Variants in ANO4 observed in about 807,000 individuals in gnomAD.
The protein encoded by ANO4 is anoctamin 4.
In ANO4, 69 loss-of-function variants were observed where a neutral mutation model predicts 141.9. The observed-to-expected ratio is 0.49, with a 90% CI of 0.40 to 0.59. ANO4 has a LOEUF of 0.59. ANO4 is among the 20% of genes least tolerant of loss of function. The pLI is 0.00. For missense variants in ANO4, 894 were observed against 1,162.2 expected (o/e 0.77, Z 3.36); for synonymous variants, 350 against 394.3 (o/e 0.89, Z 1.33).
At chr12:100,776,650 AG>A (rs1414993813) in intron 3 of ANO4, among the ~76,000 whole-genome samples, 1 of 152,210 alleles carries the variant, frequency 6.6e-6, no homozygotes, top group East Asian at 1.9e-4. Flanking sequence ...AGCTAGTCTA[AG>A]GATTAATTGA....
intron 9 of ANO4, among the ~76,000 whole-genome samples, chr12:101,022,780 C>G (rs1693174765): frequency 6.6e-6 from 1 of 152,148 alleles, no homozygotes; most frequent in Non-Finnish European, 1.5e-5. Context: ...CGGACTGTCA[C>G]CCAGGCTGGA....
intron 25 of ANO4, among the ~76,000 whole-genome samples, chr12:101,120,072 C>T (rs943970840): frequency 5.3e-5 from 8 of 152,180 alleles, no homozygotes; most frequent in Non-Finnish European, 1.0e-4. Flanking sequence ...ATGGCCGGAT[C>T]CCAGGCCTCA....
chr12:100,846,380 T>G (rs1298908829), intron 1 of ANO4, among the ~76,000 whole-genome samples: 1 of 152,200 alleles, frequency 6.6e-6, no homozygotes, highest in Non-Finnish European at 1.5e-5. Context: ...GTGTACAGTT[T>G]CCCCCAATGG....
At chr12:101,033,757 A>G (rs949016578) in intron 9 of ANO4, among the ~76,000 whole-genome samples, 1 of 152,202 alleles carries the variant, frequency 6.6e-6, no homozygotes, top group African/African-American at 2.4e-5. Context: ...CAGAAATCGA[A>G]TATCCAGAAT....
chr12:100,795,775 T>C (rs2034270845), intron 1 of ANO4, among the ~76,000 whole-genome samples: 1 of 152,194 alleles, frequency 6.6e-6, no homozygotes, highest in Admixed American at 6.5e-5. Flanking sequence ...GATAAAATAC[T>C]TTGAGGTTAT....
At chr12:100,755,644 G>A (rs1229549905) in intron 3 of ANO4, among the ~76,000 whole-genome samples, 1 of 152,172 alleles carries the variant, frequency 6.6e-6, no homozygotes, top group Non-Finnish European at 1.5e-5. Flanking sequence ...CTTTGTTTAC[G>A]ATCATTTTTT....
chr12:100,749,224 G>T (rs2032253078), intron 3 of ANO4, among the ~76,000 whole-genome samples: 1 of 152,156 alleles, frequency 6.6e-6, no homozygotes, highest in Non-Finnish European at 1.5e-5. Context: ...CGCACAGGGT[G>T]GCTGGGTTCT....
chr12:101,039,842 T>C lies in ANO4; in HGVS notation c.898-113T>C, dbSNP rs925499640. ...CCCTTTAATAGAGAGGATTCATTTC[T>C]TTCTCATACCACTCCTATCACAACA... is the stretch of plus-strand genomic sequence containing the variant. On this transcript the variant is annotated intron_variant, in intron 10 of 27. Transcript: ENST00000392977. 2.5e-6 allele frequency: 3 copies of C among 1,214,904 alleles called. No individual in the cohort carries two copies. In the African/African-American group the frequency reaches 4.5e-5, roughly 18 times the overall value. The allele number at this position is 1,214,904 out of a possible 1,614,324, so 75.3% of individuals were successfully genotyped here.
At chr12:101,124,808 C>T (rs936164685) in intron 26 of ANO4, among the ~76,000 whole-genome samples, 4 of 152,152 alleles carry the variant, frequency 2.6e-5, no homozygotes, top group Non-Finnish European at 4.4e-5. Flanking sequence ...TCTGAGATCT[C>T]TAATCTGTTC....
chr12:100,914,710 C>T (rs551785876), intron 2 of ANO4, among the ~76,000 whole-genome samples: 65 of 152,288 alleles, frequency 4.3e-4, no homozygotes, highest in African/African-American at 1.4e-3. Context: ...TCATATTCTC[C>T]AGAAGAGCTG....
chr12:100,781,378 A>T (rs1206329960), intron 3 of ANO4, among the ~76,000 whole-genome samples: 1 of 152,166 alleles, frequency 6.6e-6, no homozygotes, highest in Non-Finnish European at 1.5e-5. Context: ...TCAGGTATCC[A>T]GGCAGATTTT....
intron 13 of ANO4, among the ~76,000 whole-genome samples, chr12:101,045,949 G>A (rs752151306): frequency 2.6e-5 from 4 of 152,202 alleles, no homozygotes; most frequent in Non-Finnish European, 5.9e-5. Context: ...CTTCTTTGGA[G>A]GGGAGGGGTT....
At chr12:100,851,980 CG>C (rs897999745) in intron 1 of ANO4, among the ~76,000 whole-genome samples, 1 of 152,180 alleles carries the variant, frequency 6.6e-6, no homozygotes, top group East Asian at 1.9e-4. Context: ...CAGAATAGGC[CG>C]GGGGCAGGAG....
chr12:100,927,746 C>T (rs2041930544), intron 3 of ANO4, among the ~76,000 whole-genome samples: 2 of 152,098 alleles, frequency 1.3e-5, no homozygotes, highest in South Asian at 4.1e-4. Context: ...TTGTTGCCCA[C>T]CCCTCTTGTT....
chr12:100,813,453 T>C (rs2135712103), intron 1 of ANO4, among the ~76,000 whole-genome samples: 1 of 152,298 alleles, frequency 6.6e-6, no homozygotes, highest in Non-Finnish European at 1.5e-5. Context: ...ATCCCTCTTT[T>C]TCCATTTTAG....
intron 2 of ANO4, among the ~76,000 whole-genome samples, chr12:100,735,938 A>G (rs1443889826): frequency 2.6e-5 from 4 of 152,230 alleles, no homozygotes; most frequent in Non-Finnish European, 5.9e-5. Context: ...ATGAGATAAT[A>G]AGAGTGAGAA....
At chr12:100,865,568 C>T (rs2038713243) in intron 1 of ANO4, among the ~76,000 whole-genome samples, 1 of 152,140 alleles carries the variant, frequency 6.6e-6, no homozygotes, top group African/African-American at 2.4e-5. Flanking sequence ...CTCATCATCA[C>T]TGGTCATTAG....
chr12:100,724,681 T>C lies in ANO4; in HGVS notation c.22+7134T>C, dbSNP rs2031026301. ...GGAGAGACCTCCCAAGCCACCACTT[T>C]CTACCTAGGACCAGCCTGTGTCTAC... On this transcript the variant is annotated intron_variant, in intron 1 of 29. Transcript: ENST00000644049. Among the ~76,000 whole-genome samples the C allele has an allele frequency of 3.3e-5, 5 of 152,196 alleles. No individual in the cohort carries two copies. In the South Asian group the frequency reaches 1.0e-3, roughly 31 times the overall value.
chr12:101,087,330 T>G (rs114874811), intron 17 of ANO4, among the ~76,000 whole-genome samples: 1 of 150,264 alleles, frequency 6.7e-6, no homozygotes, highest in East Asian at 2.0e-4. Flanking sequence ...CCAGCCTAGG[T>G]AACATAGTGG....
Sources: allele counts gnomAD v4.1 joint callset (sites outside exome capture counted in the v4.1 genomes callset), GRCh38; gene constraint gnomAD v4.1.1; transcripts MANE v1.5; gene names NCBI Gene and HGNC (gene_info 2026-07-23, HGNC 2026-07-21).